Variants in SSBP2 observed in about 807,000 individuals in gnomAD.
SSBP2 encodes the protein single-stranded DNA-binding protein 2.
A neutral mutation model predicts 61.8 loss-of-function variants in SSBP2; 17 were observed. That is an observed-to-expected ratio of 0.28 (90% CI 0.19 to 0.41). The LOEUF is 0.41. SSBP2 is among the 10% of genes least tolerant of loss of function. The probability of loss-of-function intolerance (pLI) is 1.00; values close to 1 mark genes in which losing one functional copy is unlikely to be tolerated. For missense variants in SSBP2, 310 were observed against 458.7 expected, an observed-to-expected ratio of 0.68 and a Z score of 2.96; for synonymous variants, 139 against 141.3, an observed-to-expected ratio of 0.98 and a Z score of 0.12.
chr5:81,639,108 G>C (rs1283648154), intron 2 of SSBP2, among the ~76,000 whole-genome samples: 2 of 152,062 alleles, frequency 1.3e-5, no homozygotes, highest in Non-Finnish European at 1.5e-5. Context: ...CCAGAAACTT[G>C]CAAGAGATTA....
Position 81,493,448 on chromosome 5 carries a change from C to A in SSBP2, c.373-4139G>T, listed in dbSNP as rs969231970. The stretch of plus-strand genomic sequence containing the variant: ...TACAGGTGTGGTACACAACACCACA[C>A]CTGGGTATTAAAAAAAAAAATTGCA... On this transcript the variant is annotated intron_variant, in intron 5 of 16. Coordinates refer to ENST00000320672, the MANE Select transcript of SSBP2 (RefSeq NM_012446.5). Among the ~76,000 whole-genome samples, 10 of 151,694 alleles carry A rather than the reference C, an allele frequency of 6.6e-5. No individual in the cohort carries two copies. The East Asian group carries it at 1.9e-3, about 30-fold the overall frequency.
intron 4 of SSBP2, among the ~76,000 whole-genome samples, chr5:81,549,282 CA>C (rs1771994038): frequency 6.6e-6 from 1 of 152,164 alleles, no homozygotes; most frequent in Non-Finnish European, 1.5e-5. Flanking sequence ...CTTCATCAAT[CA>C]ATCTCTCGCC....
chr5:81,741,491 T>TTA (rs372360146), intron 1 of SSBP2, among the ~76,000 whole-genome samples: 3 of 152,066 alleles, frequency 2.0e-5, no homozygotes, highest in South Asian at 2.1e-4. Flanking sequence ...AAATTTTAGG[T>TTA]TATATATATA....
At chr5:81,485,905 T>C (rs1355827700) in intron 6 of SSBP2, among the ~76,000 whole-genome samples, 1 of 152,224 alleles carries the variant, frequency 6.6e-6, no homozygotes, top group Non-Finnish European at 1.5e-5. Flanking sequence ...TGAGAAACCG[T>C]GTTTATGCTT....
At chr5:81,665,787 G>C (rs1321549585) in intron 1 of SSBP2, among the ~76,000 whole-genome samples, 2 of 152,218 alleles carry the variant, frequency 1.3e-5, no homozygotes, top group African/African-American at 4.8e-5. Context: ...TTACAGGCGT[G>C]AGCTACCAAG....
intron 4 of SSBP2, among the ~76,000 whole-genome samples, chr5:81,524,442 T>C (rs921301642): frequency 6.6e-6 from 1 of 152,070 alleles, no homozygotes; most frequent in African/African-American, 2.4e-5. Context: ...AATAAACTCA[T>C]TGTTTTAAGC....
At chr5:81,665,156 T>C (rs1751004296) in intron 1 of SSBP2, among the ~76,000 whole-genome samples, 1 of 152,214 alleles carries the variant, frequency 6.6e-6, no homozygotes, top group African/African-American at 2.4e-5. Flanking sequence ...TTGGGCAGTA[T>C]GGCCATTTTA....
chr5:81,460,882 A>T (rs1180588373), intron 10 of SSBP2, among the ~76,000 whole-genome samples, 173 bp downstream of exon 10: 1 of 152,130 alleles, frequency 6.6e-6, no homozygotes, highest in Admixed American at 6.5e-5. Context: ...AAATTACATA[A>T]TTTCAAAAAA....
At chr5:81,450,057 G>T (rs1002855205) in intron 10 of SSBP2, among the ~76,000 whole-genome samples, 1 of 152,086 alleles carries the variant, frequency 6.6e-6, no homozygotes, top group African/African-American at 2.4e-5. Flanking sequence ...AGGGGACAAG[G>T]TCTTTTTTTG....
rs1328227799 is a variant in SSBP2, at chr5:81,414,801, T to C, written c.*5703A>G. 3 of 152,140 alleles carry C rather than the reference T, an allele frequency of 2.0e-5. No individual in the cohort carries two copies. Among genetic ancestry groups the C allele is most frequent in the Non-Finnish European group, 4.4e-5 (3 of 67,996 alleles). The allele number at this position is 152,140 out of a possible 1,614,324, so 9.4% of individuals were successfully genotyped here. ...TCCATCCCAAATAACTTTCATCAGC[T>C]GTTTTACCACTGAAATGAAAAGTAG... On this transcript the variant is annotated 3_prime_UTR_variant, in exon 17 of 17. Transcript: ENST00000320672.
chr5:81,613,113 A>G (rs896221218), intron 4 of SSBP2, among the ~76,000 whole-genome samples: 6 of 152,144 alleles, frequency 3.9e-5, no homozygotes, highest in Admixed American at 1.3e-4. Flanking sequence ...AACAAATCAG[A>G]GATGTATTAC....
chr5:81,674,550 T>C lies in SSBP2; in HGVS notation c.63-24211A>G, dbSNP rs566916956. On this transcript the variant is annotated intron_variant, in intron 1 of 16. Transcript: ENST00000320672. The stretch of plus-strand genomic sequence containing the variant: ...TAGAATCATTAAACAGTAAGAGGTA[T>C]ATCAGTATAAAACTTTTCTCTAAAA... Among the ~76,000 whole-genome samples, 113 of 152,318 alleles carry C rather than the reference T, an allele frequency of 7.4e-4. 1 individual carries two copies. Among genetic ancestry groups the C allele is most frequent in the African/African-American group, 2.7e-3 (111 of 41,576 alleles).
chr5:81,598,020 AAAT>A (rs778079537), intron 4 of SSBP2, among the ~76,000 whole-genome samples: 112 of 151,652 alleles, frequency 7.4e-4, no homozygotes, highest in African/African-American at 1.1e-3. Context: ...TAAAATTAAA[AAAT>A]AATAATAATA....
intron 15 of SSBP2, among the ~76,000 whole-genome samples, chr5:81,430,010 TG>T (rs1187006339): frequency 6.6e-6 from 1 of 152,116 alleles, no homozygotes; most frequent in Non-Finnish European, 1.5e-5. Flanking sequence ...CTCTGAAAAA[TG>T]TTAGTTATCC....
intron 1 of SSBP2, among the ~76,000 whole-genome samples, chr5:81,745,987 C>T (rs1299569512): frequency 1.3e-5 from 2 of 152,072 alleles, no homozygotes; most frequent in Non-Finnish European, 2.9e-5. Context: ...TGCAGAACAA[C>T]TAAAATGTAG....
At chr5:81,544,649 A>C (rs1771588712) in intron 4 of SSBP2, among the ~76,000 whole-genome samples, 1 of 152,198 alleles carries the variant, frequency 6.6e-6, no homozygotes, top group Admixed American at 6.5e-5. Flanking sequence ...AAATGTGCTG[A>C]TATCCTAATT....
intron 3 of SSBP2, among the ~76,000 whole-genome samples, chr5:81,616,764 C>G (rs978103407): frequency 1.3e-5 from 2 of 151,276 alleles, no homozygotes; most frequent in Non-Finnish European, 3.0e-5. Flanking sequence ...TGAGAACGGG[C>G]AGACTGCCTC....
At chr5:81,446,731 T>C (rs1026902514) in intron 12 of SSBP2, 137 bp downstream of exon 12, 5 of 769,590 alleles carry the variant, frequency 6.5e-6, no homozygotes, top group Non-Finnish European at 9.9e-6. Flanking sequence ...ACTATATTTC[T>C]TCCTACCATG....
At chr5:81,750,041 C>T (rs970289128) in intron 1 of SSBP2, among the ~76,000 whole-genome samples, 3 of 151,020 alleles carry the variant, frequency 2.0e-5, no homozygotes, top group African/African-American at 7.3e-5. Flanking sequence ...CCCCGCCGGG[C>T]CCGCCCCTCC....
Sources: gnomAD v4.1 joint callset for allele counts (sites outside exome capture counted in the v4.1 genomes callset) on GRCh38, gnomAD v4.1.1 for gene constraint, MANE v1.5 for transcripts, NCBI Gene and HGNC (gene_info 2026-07-23, HGNC 2026-07-21) for gene names.